The following AKAP19 variants were observed in gnomAD, a reference collection of about 807,000 sequenced individuals.
AKAP19 encodes small A-kinase anchoring protein.
chr2:189,939,666 G>C, the AKAP19 span, among the ~76,000 whole-genome samples: 2 of 152,160 alleles, frequency 1.3e-5, no homozygotes, highest in African/African-American at 2.4e-5. Context: ...TGATCTTCAA[G>C]ATAATACAGA....
the AKAP19 span, among the ~76,000 whole-genome samples, chr2:190,170,299 G>A: frequency 1.3e-5 from 2 of 152,302 alleles, no homozygotes; most frequent in East Asian, 3.9e-4. Flanking sequence ...GGGAGCAGGG[G>A]GGAACACACT....
chr2:190,130,802 G>A, the AKAP19 span, among the ~76,000 whole-genome samples: 1 of 152,272 alleles, frequency 6.6e-6, no homozygotes, highest in African/African-American at 2.4e-5. Flanking sequence ...GCAAATCAGT[G>A]CCAGAATACG....
the AKAP19 span, among the ~76,000 whole-genome samples, chr2:190,178,819 A>G: frequency 1.3e-5 from 2 of 152,202 alleles, no homozygotes; most frequent in Non-Finnish European, 2.9e-5. The surrounding 1 kb of genome is among the most constrained non-coding windows in gnomAD (Gnocchi z 6.3). Context: ...TGACCTGGTA[A>G]CTGGGAAGTA....
chr2:190,069,390 A>T, the AKAP19 span, among the ~76,000 whole-genome samples: 37 of 152,206 alleles, frequency 2.4e-4, no homozygotes, highest in Non-Finnish European at 4.1e-4. Flanking sequence ...AGTTTTAAAA[A>T]TTTTTAAAGT....
chr2:190,079,570 G>A, the AKAP19 span: 2 of 152,266 alleles, frequency 1.3e-5, no homozygotes, highest in Admixed American at 6.5e-5. Flanking sequence ...CAGCACTGTG[G>A]GAGGCCGAGG....
At chr2:189,967,746 C>T in the AKAP19 span, among the ~76,000 whole-genome samples, 1 of 151,008 alleles carries the variant, frequency 6.6e-6, no homozygotes, top group Non-Finnish European at 1.5e-5. Context: ...CCCAGGTGTT[C>T]AATGGTATAG....
chr2:190,169,099 A>T, the AKAP19 span, among the ~76,000 whole-genome samples: 1 of 152,338 alleles, frequency 6.6e-6, no homozygotes, highest in African/African-American at 2.4e-5. Flanking sequence ...TTGCAGTTCC[A>T]TGTGACTGGG....
chr2:190,037,976 C>G, the AKAP19 span, among the ~76,000 whole-genome samples: 2 of 152,156 alleles, frequency 1.3e-5, no homozygotes, highest in East Asian at 3.8e-4. Flanking sequence ...CCTCCACCCC[C>G]ATGTTGCTTT....
chr2:189,973,246 G>GTT, the AKAP19 span, among the ~76,000 whole-genome samples: 1 of 151,960 alleles, frequency 6.6e-6, no homozygotes, highest in South Asian at 2.1e-4. Context: ...ATAATCATGT[G>GTT]TTTTTTTGTC....
At chr2:190,200,234 A>G in the AKAP19 span, 1 of 1,059,580 alleles carries the variant, frequency 9.4e-7, no homozygotes, top group South Asian at 1.4e-5. Context: ...AAAAGTACAA[A>G]TAACTATCTG....
the AKAP19 span, among the ~76,000 whole-genome samples, chr2:190,033,567 G>C: frequency 6.6e-6 from 1 of 152,140 alleles, no homozygotes; most frequent in Non-Finnish European, 1.5e-5. Flanking sequence ...TTTGTAGAAT[G>C]AATTCATGAA....
At chr2:189,976,815 G>C in the AKAP19 span, among the ~76,000 whole-genome samples, 1 of 152,218 alleles carries the variant, frequency 6.6e-6, no homozygotes, top group African/African-American at 2.4e-5. Flanking sequence ...CGTTTACTAA[G>C]ATTGTTGGAA....
At chr2:190,008,740 A>G in the AKAP19 span, among the ~76,000 whole-genome samples, 19 of 71,196 alleles carry the variant, frequency 2.7e-4, no homozygotes, top group African/African-American at 8.4e-4. Flanking sequence ...GCACACACAC[A>G]CACACACACA....
chr2:190,133,619 C>T, the AKAP19 span, among the ~76,000 whole-genome samples: 1 of 152,126 alleles, frequency 6.6e-6, no homozygotes, highest in Non-Finnish European at 1.5e-5. Flanking sequence ...ATGGATTCAA[C>T]CTAAGTGTTC....
chr2:189,923,939 G>GA, the AKAP19 span: 16 of 1,610,766 alleles, frequency 9.9e-6, no homozygotes, highest in Middle Eastern at 1.7e-4. Context: ...GGAAAACCTG[G>GA]AAAAAATTGA....
chr2:189,986,381 AAAAC>A, the AKAP19 span, among the ~76,000 whole-genome samples: 2 of 152,036 alleles, frequency 1.3e-5, no homozygotes, highest in Non-Finnish European at 2.9e-5. Context: ...AAAAAAAACA[AAAAC>A]AAACAACAAA....
chr2:189,956,947 T>G, the AKAP19 span, among the ~76,000 whole-genome samples: 8 of 152,162 alleles, frequency 5.3e-5, no homozygotes, highest in African/African-American at 1.9e-4. Flanking sequence ...TTTCAGTTAT[T>G]AAATTTAATT....
chr2:190,113,874 C>T, the AKAP19 span, among the ~76,000 whole-genome samples: 1 of 152,170 alleles, frequency 6.6e-6, no homozygotes, highest in East Asian at 1.9e-4. Context: ...AAGTAATCTG[C>T]CTGCATACAA....
the AKAP19 span, among the ~76,000 whole-genome samples, chr2:190,149,330 C>A: frequency 1.3e-5 from 2 of 151,652 alleles, no homozygotes; most frequent in Non-Finnish European, 1.5e-5. Context: ...TCACTTAGTT[C>A]TCTGATCTTG....
Sources: allele counts gnomAD v4.1 joint callset (sites outside exome capture counted in the v4.1 genomes callset), GRCh38; gene constraint gnomAD v4.1.1; non-coding constraint Gnocchi (gnomAD v3.1); transcripts MANE v1.5; gene names NCBI Gene and HGNC (gene_info 2026-07-23, HGNC 2026-07-21).